Variants in SHTN1 observed in about 807,000 individuals in gnomAD.
SHTN1 encodes shootin-1.
Under a neutral mutation model 83.1 loss-of-function variants are expected in SHTN1, and 42 were observed. That is an observed-to-expected ratio of 0.51 (90% confidence interval 0.39 to 0.65). The LOEUF (loss-of-function observed/expected upper bound fraction) is 0.65, where lower values mean the gene tolerates loss of function less well. Among genes scored for constraint, SHTN1 ranks in the 30% least tolerant of loss-of-function variants. The pLI is 0.00. For synonymous variants in SHTN1, 224 were observed against 247.7 expected, an observed-to-expected ratio of 0.90 and a Z score of 0.90; for missense variants, 622 against 737.8, an observed-to-expected ratio of 0.84 and a Z score of 1.82.
intron 1 of SHTN1, among the ~76,000 whole-genome samples, chr10:117,102,160 G>A (rs1056085033): frequency 2.0e-5 from 3 of 152,064 alleles, no homozygotes; most frequent in South Asian, 2.1e-4. Flanking sequence ...TTTTCTGAGG[G>A]ATAGGATGAC....
At chr10:117,057,022 A>G (rs1852834566) in intron 1 of SHTN1, among the ~76,000 whole-genome samples, 2 of 152,188 alleles carry the variant, frequency 1.3e-5, no homozygotes, top group Admixed American at 1.3e-4. Flanking sequence ...AGCTACCGCA[A>G]TGAGGTAAGA....
chr10:117,028,253 T>C (rs1187655356), intron 2 of SHTN1, among the ~76,000 whole-genome samples: 1 of 152,196 alleles, frequency 6.6e-6, no homozygotes, highest in Non-Finnish European at 1.5e-5. Context: ...CTGCTTCTAA[T>C]AGCCTTTGTT....
At chr10:117,017,881 C>G (rs1852203846) in intron 2 of SHTN1, among the ~76,000 whole-genome samples, 1 of 152,182 alleles carries the variant, frequency 6.6e-6, no homozygotes, top group Non-Finnish European at 1.5e-5. Flanking sequence ...ATACACCTCT[C>G]TTCCGTGGTA....
At chr10:117,034,292 C>T (rs1459696595) in intron 2 of SHTN1, among the ~76,000 whole-genome samples, 1 of 152,138 alleles carries the variant, frequency 6.6e-6, no homozygotes, top group Non-Finnish European at 1.5e-5. Flanking sequence ...AACCTAAAGA[C>T]TCTATCAGTT....
chr10:117,003,672 G>C (rs1467290230), intron 1 of SHTN1, among the ~76,000 whole-genome samples: 1 of 152,004 alleles, frequency 6.6e-6, no homozygotes, highest in South Asian at 2.1e-4. Context: ...TGATTGACCA[G>C]AAGATCCACG....
intron 2 of SHTN1, among the ~76,000 whole-genome samples, chr10:117,012,550 T>A (rs1852122529): frequency 6.6e-6 from 1 of 152,074 alleles, no homozygotes; most frequent in Non-Finnish European, 1.5e-5. Flanking sequence ...ACATCCTTTC[T>A]TTTTTTTATA....
In SHTN1 at chr10:116,912,650, GA is replaced by G. The variant is rs1188334206; in HGVS notation, c.1306-808del. 9.2e-5 allele frequency among the ~76,000 whole-genome samples: 14 copies of G among 152,218 alleles called. No individual in the cohort carries two copies. The East Asian group carries it at 1.9e-3, about 21-fold the overall frequency. The stretch of plus-strand genomic sequence containing the variant: ...GATCACTCAACTAATTTAATGGAGG[GA>G]AAATTTAGCATGAGGACCTCATGAA... On this transcript the variant is annotated intron_variant, in intron 13 of 16. Transcript: ENST00000355371.
chr10:116,916,835 C>G (rs1447565009), intron 12 of SHTN1, among the ~76,000 whole-genome samples: 1 of 152,196 alleles, frequency 6.6e-6, no homozygotes, highest in Non-Finnish European at 1.5e-5. Context: ...TTTTCTGATA[C>G]CGTCCTAACT....
intron 1 of SHTN1, among the ~76,000 whole-genome samples, chr10:117,092,065 A>G (rs1259658934): frequency 2.0e-5 from 3 of 152,228 alleles, no homozygotes; most frequent in South Asian, 4.1e-4. Context: ...AATAAGGGAT[A>G]GATGAAAGAT....
chr10:116,918,469 A>T (rs74159011), intron 12 of SHTN1, among the ~76,000 whole-genome samples: 9,272 of 150,716 alleles, frequency 0.062, 887 homozygotes, highest in African/African-American at 0.2. Flanking sequence ...AAAGGTAATT[A>T]AAAAAAAAAT....
In SHTN1 at chr10:116,899,542, TGTGTGAGAGA is replaced by T. The variant is rs1213104089; in HGVS notation, c.1673+2213_1673+2222del. Among the ~76,000 whole-genome samples, 5 of 94,620 alleles carry T rather than the reference TGTGTGAGAGA, an allele frequency of 5.3e-5. 1 individual carries two copies. In the South Asian group the frequency reaches 1.1e-3, roughly 22 times the overall value. The allele number at this position is 94,620 out of a possible 152,430, so 62.1% of individuals were successfully genotyped here. A position where few individuals can be genotyped will look rare whatever the true frequency, so the allele number is the denominator to read the frequency against. ...GTGTGTGTGTGTGTGTGTGTGTGTG[TGTGTGAGAGA>T]GTGCATGCATACATATGTTGGGACA... On this transcript the variant is annotated intron_variant, in intron 16 of 16. Transcript: ENST00000355371.
chr10:117,104,366 G>C (rs1853643920), intron 1 of SHTN1, among the ~76,000 whole-genome samples: 2 of 152,168 alleles, frequency 1.3e-5, no homozygotes, highest in African/African-American at 4.8e-5. Context: ...TTGTGTCATA[G>C]TTATTTGGGT....
At chr10:116,949,594 A>G (rs954532103) in intron 6 of SHTN1, among the ~76,000 whole-genome samples, 3 of 152,246 alleles carry the variant, frequency 2.0e-5, no homozygotes, top group Non-Finnish European at 4.4e-5. Flanking sequence ...CAGCACACCA[A>G]CATGGCACAT....
At chr10:116,952,524 G>C (rs1486389473) in intron 5 of SHTN1, among the ~76,000 whole-genome samples, 3 of 152,028 alleles carry the variant, frequency 2.0e-5, no homozygotes, top group Admixed American at 6.6e-5. Context: ...TTGAAAGAAG[G>C]GTTAATTCTA....
chr10:116,969,315 C>A (rs190505264), intron 2 of SHTN1, among the ~76,000 whole-genome samples: 2 of 152,062 alleles, frequency 1.3e-5, no homozygotes, highest in Non-Finnish European at 2.9e-5. Flanking sequence ...GTGGTGCGCA[C>A]CTGTAATCCC....
rs73398139 is a variant in SHTN1, at chr10:117,045,231, A to G, written c.-123+3214T>C. On this transcript the variant is annotated intron_variant, in intron 2 of 17. Coordinates refer to the SHTN1 transcript ENST00000392901. ...CTCCTTAAAAGCAATGAGAACACTG[A>G]CAAAATTGTTGAAATCAACATTTTC... Among the ~76,000 whole-genome samples the G allele has an allele frequency of 7.0e-3, 1,070 of 152,358 alleles. 16 individuals carry two copies. Among genetic ancestry groups the G allele is most frequent in the African/African-American group, 0.025 (1,030 of 41,582 alleles).
Position 116,943,500 on chromosome 10 carries a change from A to G in SHTN1, c.711+1424T>C, listed in dbSNP as rs1849460284. ...CTGTTTATTTCACTGCATTATTTAT[A>G]TTGCTCCAACGTTTTCCAGAGAGCT... On this transcript the variant is annotated intron_variant, in intron 8 of 16. Coordinates refer to ENST00000355371, the MANE Select transcript of SHTN1 (RefSeq NM_001127211.3). Among the ~76,000 whole-genome samples, 3 of 152,096 alleles carry G rather than the reference A, an allele frequency of 2.0e-5. No individual in the cohort carries two copies. The South Asian group carries it at 6.2e-4, about 32-fold the overall frequency.
At chr10:117,025,193 CTAA>C (rs1852313697) in intron 2 of SHTN1, among the ~76,000 whole-genome samples, 1 of 152,198 alleles carries the variant, frequency 6.6e-6, no homozygotes, top group Non-Finnish European at 1.5e-5. Flanking sequence ...TCTCGAATCA[CTAA>C]TGCCACCCCT....
At chr10:116,946,585 A>T (rs1228515736) in intron 7 of SHTN1, among the ~76,000 whole-genome samples, 23 of 115,582 alleles carry the variant, frequency 2.0e-4, no homozygotes, top group East Asian at 7.7e-4. Flanking sequence ...AAAATGATTT[A>T]TATATAAATA....
Sources: allele counts gnomAD v4.1 joint callset (sites outside exome capture counted in the v4.1 genomes callset), GRCh38; gene constraint gnomAD v4.1.1; transcripts MANE v1.5; gene names NCBI Gene and HGNC (gene_info 2026-07-23, HGNC 2026-07-21).